The following ST6GALNAC5 variants were observed in gnomAD, a reference collection of about 807,000 sequenced individuals.
ST6GALNAC5 encodes the protein alpha-N-acetylgalactosaminide alpha-2,6-sialyltransferase 5.
Under a neutral mutation model 33.6 loss-of-function variants are expected in ST6GALNAC5, and 27 were observed. The ratio of observed to expected loss-of-function variants is 0.80; its 90% CI spans 0.59 to 1.11. The LOEUF is 1.11. Ranked by LOEUF, ST6GALNAC5 falls within the 50% of genes least tolerant of loss-of-function variation. The pLI, the probability that ST6GALNAC5 is intolerant of heterozygous loss-of-function variation, is 0.00. For missense variants in ST6GALNAC5, 428 were observed against 454.0 expected (o/e 0.94, Z 0.52); for synonymous variants, 194 against 171.2 (o/e 1.13, Z -1.04).
chr1:76,946,810 T>C (rs1647533574), intron 2 of ST6GALNAC5, among the ~76,000 whole-genome samples: 1 of 152,178 alleles, frequency 6.6e-6, no homozygotes, highest in Non-Finnish European at 1.5e-5. Flanking sequence ...CAGATTTTTA[T>C]ACATGTAACT....
At position 76,877,928 on chromosome 1, in the gene ST6GALNAC5, A is replaced by G. The variant is rs185929857; in HGVS notation, c.261+9186A>G. ...AGGCATTTGCCGAATCAATGGCTAC[A>G]TACCAGGTATGAGGAGATGTGTTAA... is the stretch of plus-strand genomic sequence containing the variant. On this transcript the variant is annotated intron_variant, in intron 2 of 4. Transcript: ENST00000477717. Among the ~76,000 whole-genome samples, 81 of 152,394 alleles carry G rather than the reference A, an allele frequency of 5.3e-4. 1 individual carries two copies. The highest frequency in any genetic ancestry group is 1.8e-3 in the African/African-American group (76 of 41,598).
At chr1:76,989,008 G>A (rs925677144) in intron 2 of ST6GALNAC5, among the ~76,000 whole-genome samples, 1 of 152,038 alleles carries the variant, frequency 6.6e-6, no homozygotes, top group Non-Finnish European at 1.5e-5. Context: ...ATTGTATCTG[G>A]TATTCAGAGT....
At chr1:76,945,051 A>G (rs1647468092) in intron 2 of ST6GALNAC5, among the ~76,000 whole-genome samples, 1 of 152,100 alleles carries the variant, frequency 6.6e-6, no homozygotes, top group African/African-American at 2.4e-5. Flanking sequence ...AGTCTGGGCA[A>G]TGCTAGAGTC....
chr1:77,003,415 A>T (rs200011216), intron 2 of ST6GALNAC5, among the ~76,000 whole-genome samples: 1 of 149,370 alleles, frequency 6.7e-6, no homozygotes, highest in African/African-American at 2.5e-5. Context: ...TCCTGAATAC[A>T]GCACACTGAT....
intron 2 of ST6GALNAC5, among the ~76,000 whole-genome samples, chr1:76,955,106 A>G (rs1647901529): frequency 2.0e-5 from 3 of 152,160 alleles, no homozygotes; most frequent in Non-Finnish European, 2.9e-5. Context: ...AAGCGGCATG[A>G]AGGAAAAAAA....
At chr1:76,980,463 C>T (rs920865484) in intron 2 of ST6GALNAC5, among the ~76,000 whole-genome samples, 3 of 152,298 alleles carry the variant, frequency 2.0e-5, no homozygotes, top group Admixed American at 2.0e-4. Context: ...GTGTATACTT[C>T]ATTATCAAGG....
intron 2 of ST6GALNAC5, among the ~76,000 whole-genome samples, chr1:76,965,215 AC>A (rs76848968): frequency 6.6e-6 from 1 of 150,708 alleles, no homozygotes; most frequent in Admixed American, 6.6e-5. Context: ...TTAGTTTACC[AC>A]CCCCCCCACC....
chr1:76,990,592 G>A (rs766373500), intron 2 of ST6GALNAC5, among the ~76,000 whole-genome samples: 1 of 152,136 alleles, frequency 6.6e-6, no homozygotes, highest in Non-Finnish European at 1.5e-5. Flanking sequence ...AAAGAAGGCA[G>A]CCTGTGCCTT....
Position 76,874,217 on chromosome 1 carries a change from T to C in ST6GALNAC5, c.261+5475T>C, listed in dbSNP as rs371294370. Among the ~76,000 whole-genome samples the C allele has an allele frequency of 2.6e-5, 4 of 152,312 alleles. No homozygotes were observed. In the East Asian group the frequency reaches 7.7e-4, roughly 29 times the overall value. On this transcript the variant is annotated intron_variant, in intron 2 of 4. Coordinates refer to ENST00000477717, the MANE Select transcript of ST6GALNAC5 (RefSeq NM_030965.3). The stretch of plus-strand genomic sequence containing the variant: ...ATCCAATGAATAATTACTGAACAAA[T>C]TGGATATCAAAGCAACTTCAAAGTG...
intron 2 of ST6GALNAC5, among the ~76,000 whole-genome samples, chr1:77,037,986 A>G (rs1260085291): frequency 2.0e-5 from 3 of 152,234 alleles, no homozygotes; most frequent in Non-Finnish European, 4.4e-5. Context: ...GTTTGGCTTT[A>G]CTATCTTCGT....
intron 4 of ST6GALNAC5, among the ~76,000 whole-genome samples, chr1:77,059,812 T>C (rs1488266607): frequency 6.6e-6 from 1 of 152,222 alleles, no homozygotes; most frequent in African/African-American, 2.4e-5. Flanking sequence ...TTGGAATTTT[T>C]CTGTCTTGAA....
intron 2 of ST6GALNAC5, among the ~76,000 whole-genome samples, chr1:76,883,102 T>C (rs1570636192): frequency 6.6e-6 from 1 of 152,218 alleles, no homozygotes; most frequent in African/African-American, 2.4e-5. Flanking sequence ...ACATATTGAC[T>C]GAGTAGCTAC....
rs1650692799 is a variant in ST6GALNAC5 at position 77,012,908 on chromosome 1, A to G, written c.262-31296A>G. ...AGCTTAATGTGGTGTTTCCATAGAC[A>G]TGTTTGAGAATTCCTATGGTCTATC... is the stretch of plus-strand genomic sequence containing the variant. On this transcript the variant is annotated intron_variant, in intron 2 of 4. Coordinates refer to ENST00000477717, the MANE Select transcript of ST6GALNAC5 (RefSeq NM_030965.3). 2.6e-5 allele frequency among the ~76,000 whole-genome samples: 4 copies of G among 152,186 alleles called. No homozygotes were observed. The South Asian group carries it at 8.3e-4, about 32-fold the overall frequency.
chr1:76,980,787 T>C (rs910788924), intron 2 of ST6GALNAC5, among the ~76,000 whole-genome samples: 2 of 152,190 alleles, frequency 1.3e-5, no homozygotes, highest in Non-Finnish European at 2.9e-5. Context: ...AATGTAGGTA[T>C]AAATCTTTAT....
intron 2 of ST6GALNAC5, among the ~76,000 whole-genome samples, chr1:76,898,103 T>C (rs1159384831): frequency 6.6e-6 from 1 of 152,172 alleles, no homozygotes; most frequent in Non-Finnish European, 1.5e-5. Context: ...TTCCAGGGGC[T>C]CTGGGAGTGG....
At chr1:77,013,889 A>G (rs1315615630) in intron 2 of ST6GALNAC5, among the ~76,000 whole-genome samples, 2 of 152,344 alleles carry the variant, frequency 1.3e-5, no homozygotes, top group Non-Finnish European at 2.9e-5. Flanking sequence ...AGGTCAGTCA[A>G]TGGGAAATGA....
chr1:76,902,180 G>T (rs778646703), intron 2 of ST6GALNAC5, among the ~76,000 whole-genome samples: 64 of 152,134 alleles, frequency 4.2e-4, no homozygotes, highest in Non-Finnish European at 7.9e-4. Context: ...CAAGGCTGCA[G>T]GGCACAAGAT....
chr1:77,010,633 G>A (rs932019109), intron 2 of ST6GALNAC5, among the ~76,000 whole-genome samples: 6 of 152,290 alleles, frequency 3.9e-5, no homozygotes, highest in African/African-American at 1.2e-4. Flanking sequence ...CTGCGACACT[G>A]TCCATCTAAA....
chr1:77,027,636 G>A (rs1271103853), intron 2 of ST6GALNAC5, among the ~76,000 whole-genome samples: 1 of 152,144 alleles, frequency 6.6e-6, no homozygotes, highest in African/African-American at 2.4e-5. Flanking sequence ...GAAGGAAAGG[G>A]AGGGTTTAAT....
Sources: gnomAD v4.1 joint callset for allele counts (sites outside exome capture counted in the v4.1 genomes callset) on GRCh38, gnomAD v4.1.1 for gene constraint, MANE v1.5 for transcripts, NCBI Gene and HGNC (gene_info 2026-07-23, HGNC 2026-07-21) for gene names.